The following MLANA variants were observed in gnomAD, a reference collection of about 807,000 sequenced individuals.
MLANA encodes the protein melanoma antigen recognized by T-cells 1.
A neutral mutation model predicts 15.7 loss-of-function variants in MLANA; 21 were observed. The ratio of observed to expected loss-of-function variants is 1.33; its 90% CI spans 0.95 to 1.92. The LOEUF is 1.92. Among genes scored for constraint, MLANA ranks in the 40% most tolerant of loss-of-function variants. The pLI is 0.00. For missense variants in MLANA, 164 were observed against 143.8 expected (o/e 1.14, Z -0.72); for synonymous variants, 56 against 51.5 (o/e 1.09, Z -0.37).
At chr9:5,899,085 G>A (rs961662936) in intron 3 of MLANA, 1 of 152,158 alleles carries the variant, frequency 6.6e-6, no homozygotes, top group African/African-American at 2.4e-5. Context: ...TAGCACTTCA[G>A]CACTTCAGCA....
chr9:5,908,549 G>A (rs1233943824), intron 4 of MLANA, 91 bp from the exon 5 acceptor site: 1 of 1,132,174 alleles, frequency 8.8e-7, no homozygotes, highest in Non-Finnish European at 1.3e-6. Flanking sequence ...CACAGGGAAA[G>A]TATAAATATG....
At chr9:5,900,039 A>C (rs538694062) in intron 3 of MLANA, among the ~76,000 whole-genome samples, 2 of 152,228 alleles carry the variant, frequency 1.3e-5, no homozygotes, top group Non-Finnish European at 2.9e-5. Context: ...CAAAAACAAA[A>C]TGTTTAGTCT....
intron 3 of MLANA, among the ~76,000 whole-genome samples, chr9:5,906,159 T>G (rs915428685): frequency 1.3e-5 from 2 of 149,574 alleles, no homozygotes; most frequent in African/African-American, 4.9e-5. Flanking sequence ...AAGACCAGCC[T>G]AGGCAACTTA....
chr9:5,892,528 C>A lies in MLANA; in HGVS notation c.54C>A (p.Gly18=). ...FIYGYPKKGH[G]HSYTTAEEAA... is the part of the protein sequence containing the mutation. ...ATGGTTACCCCAAGAAGGGGCACGG[C>A]CACTCTTACACCACGGCTGAAGAGT... Residue 18 remains glycine (G), a synonymous_variant, in exon 2 of 5, where the codon GGC becomes GGA. Transcript: ENST00000381477. 1 of 1,613,630 alleles carries A rather than the reference C, an allele frequency of 6.2e-7. No homozygotes were observed. Among genetic ancestry groups the A allele is most frequent in the East Asian group, 2.2e-5 (1 of 44,858 alleles).
chr9:5,900,728 G>C (rs1463576111), intron 3 of MLANA, among the ~76,000 whole-genome samples: 1 of 152,168 alleles, frequency 6.6e-6, no homozygotes, highest in Non-Finnish European at 1.5e-5. Flanking sequence ...CTGAGCCCTG[G>C]AAAACATCTT....
Position 5,906,924 on chromosome 9 carries a change from A to G in MLANA, c.214A>G (p.Arg72Gly). 6.3e-7 allele frequency: 1 copy of G among 1,597,190 alleles called. No individual in the cohort carries two copies. The highest frequency in any genetic ancestry group is 1.1e-5 in the South Asian group (1 of 88,448). The change falls in exon 4 of 5, where the codon AGA becomes GGA. Residue 72 changes from arginine (R) to glycine (G), a missense_variant. Transcript: ENST00000381477. ...LHVGTQCALT[R>G]RCPQEGFDHR... The stretch of plus-strand genomic sequence containing the variant: ...TGTTGGCACTCAATGTGCCTTAACA[A>G]GAAGATGCCCACAAGAAGGGTTTGA...
chr9:5,896,808 A>G (rs1467866878), intron 2 of MLANA, among the ~76,000 whole-genome samples: 1 of 152,190 alleles, frequency 6.6e-6, no homozygotes, highest in East Asian at 1.9e-4. Context: ...AGGCTGGTGT[A>G]GACCCCCAGA....
chr9:5,902,682 T>A (rs1832519656), intron 3 of MLANA, among the ~76,000 whole-genome samples: 1 of 151,604 alleles, frequency 6.6e-6, no homozygotes, highest in Non-Finnish European at 1.5e-5. Context: ...TTTTTTTTTT[T>A]AATTTGTAGA....
intron 3 of MLANA, among the ~76,000 whole-genome samples, chr9:5,904,638 A>G (rs1479569936): frequency 1.3e-5 from 2 of 151,880 alleles, no homozygotes; most frequent in African/African-American, 4.8e-5. Flanking sequence ...ATGCTCATCT[A>G]ATTTTTGTAT....
rs1331910273 is a variant in MLANA at position 5,910,211 on chromosome 9, A to G, written c.*1503A>G. On this transcript the variant is annotated 3_prime_UTR_variant, in exon 5 of 5. Transcript: ENST00000381477. ...CTTTCTCACTATATGATTCATTGCT[A>G]TTTAACGGTGAGTCAGTAAACCACC... The G allele has an allele frequency of 6.6e-6, 1 of 152,212 alleles. No individual in the cohort carries two copies. Among genetic ancestry groups the G allele is most frequent in the Non-Finnish European group, 1.5e-5 (1 of 68,036 alleles). The allele number at this position is 152,212 out of a possible 1,614,324, so 9.4% of individuals were successfully genotyped here.
chr9:5,895,243 T>C (rs1831935191), intron 2 of MLANA, among the ~76,000 whole-genome samples: 1 of 152,144 alleles, frequency 6.6e-6, no homozygotes, highest in African/African-American at 2.4e-5. Flanking sequence ...CTTGTGCAGG[T>C]ACTGAAGGAG....
chr9:5,907,048 C>T, intron 4 of MLANA, 50 bp downstream of exon 4: 2 of 1,185,250 alleles, frequency 1.7e-6, no homozygotes, highest in South Asian at 2.9e-5. Context: ...CTGTTTTTAA[C>T]TCAAGTGAAT....
At chr9:5,896,223 C>T (rs117685531) in intron 2 of MLANA, among the ~76,000 whole-genome samples, 4,530 of 152,286 alleles carry the variant, frequency 0.03, 100 homozygotes, top group Non-Finnish European at 0.048. Context: ...ATTCCTAACT[C>T]CGAGGACTGT....
At chr9:5,903,863 C>CTT (rs770865430) in intron 3 of MLANA, among the ~76,000 whole-genome samples, 2 of 147,044 alleles carry the variant, frequency 1.4e-5, no homozygotes, top group Admixed American at 6.8e-5. Flanking sequence ...TATGCACTTA[C>CTT]TTTTTTTTTT....
rs529671454 is a variant in MLANA at position 5,910,365 on chromosome 9, AAAC to A, written c.*1662_*1664del. On this transcript the variant is annotated 3_prime_UTR_variant, in exon 5 of 5. Coordinates refer to ENST00000381477, the MANE Select transcript of MLANA (RefSeq NM_005511.2). ...AGAGATGTATTACACACATCGAAAAAAACAACATTTAACAAAATATTAAAATAT... is the reference window on the plus strand; with the variant it reads ...AGAGATGTATTACACACATCGAAAAAAACATTTAACAAAATATTAAAATAT... The A allele has an allele frequency of 4.5e-4, 68 of 152,358 alleles. 1 individual carries two copies. In the South Asian group the frequency reaches 5.0e-3, roughly 11 times the overall value. The allele number at this position is 152,358 out of a possible 1,614,324, so 9.4% of individuals were successfully genotyped here. A position where few individuals can be genotyped will look rare whatever the true frequency, so the allele number is the denominator to read the frequency against.
intron 1 of MLANA, 98 bp from the exon 2 acceptor site, chr9:5,892,352 A>T: frequency 2.7e-6 from 2 of 728,352 alleles, no homozygotes; most frequent in Non-Finnish European, 2.1e-6. Context: ...GGCTATGGAT[A>T]TTGGTCACCT....
At chr9:5,903,543 T>G (rs898344002) in intron 3 of MLANA, among the ~76,000 whole-genome samples, 3 of 152,228 alleles carry the variant, frequency 2.0e-5, no homozygotes, top group African/African-American at 7.2e-5. Flanking sequence ...TCCTTACTGA[T>G]TTTTTACCTG....
chr9:5,905,691 T>C (rs1247429197), intron 3 of MLANA, among the ~76,000 whole-genome samples: 1 of 152,212 alleles, frequency 6.6e-6, no homozygotes, highest in African/African-American at 2.4e-5. Context: ...CACCTGTGAC[T>C]TGTAAGTCTC....
chr9:5,896,523 C>T (rs990467366), intron 2 of MLANA, among the ~76,000 whole-genome samples: 1 of 152,208 alleles, frequency 6.6e-6, no homozygotes, highest in African/African-American at 2.4e-5. Flanking sequence ...GAGCAAAAGT[C>T]TCTCCAGCAG....
Sources: gnomAD v4.1 joint callset for allele counts (sites outside exome capture counted in the v4.1 genomes callset) on GRCh38, gnomAD v4.1.1 for gene constraint, MANE v1.5 for transcripts, NCBI Gene and HGNC (gene_info 2026-07-23, HGNC 2026-07-21) for gene names.